Variants in FAT4 observed in about 807,000 individuals in gnomAD.
FAT4 encodes the protein FAT atypical cadherin 4, also known as protocadherin Fat 4.
Under a neutral mutation model 303.9 loss-of-function variants are expected in FAT4, and 84 were observed. The observed-to-expected ratio is 0.28, with a 90% CI of 0.23 to 0.33. The LOEUF (loss-of-function observed/expected upper bound fraction) is 0.33, where lower values mean the gene tolerates loss of function less well. Ranked by LOEUF, FAT4 falls within the 10% of genes least tolerant of loss-of-function variation. The pLI, the probability that FAT4 is intolerant of heterozygous loss-of-function variation, is 1.00. For missense variants in FAT4, 6,005 were observed against 6,146.8 expected, an observed-to-expected ratio of 0.98 and a Z score of 0.77; for synonymous variants, 2,307 against 2,298.8, an observed-to-expected ratio of 1.00 and a Z score of -0.10.
At position 125,317,574 on chromosome 4, in the gene FAT4, C is replaced by T. The variant is rs991371776; in HGVS notation, c.1163C>T (p.Pro388Leu). Residue 388 changes from proline (P) to leucine (L), a missense_variant, in exon 2 of 18, where the codon CCC becomes CTC. Coordinates refer to ENST00000394329, the MANE Select transcript of FAT4 (RefSeq NM_001291303.3). This position sits in a 1 kb window ranked among gnomAD's most constrained non-coding sequence, Gnocchi z 7.0. ...CTCACCGTGACGGACGCAGATTCTC[C>T]CGCGGCCAACGGGAACATCTCCGTG... ...ALLTVTDADSPAANGNISVQI... is the reference protein window; with the variant it reads ...ALLTVTDADSLAANGNISVQI... The T allele has an allele frequency of 8.1e-6, 13 of 1,613,780 alleles. No individual in the cohort carries two copies. The highest frequency in any genetic ancestry group is 5.0e-5 in the Admixed American group (3 of 59,992).
intron 5 of FAT4, among the ~76,000 whole-genome samples, chr4:125,412,468 A>G (rs1734883407): frequency 6.6e-6 from 1 of 151,828 alleles, no homozygotes; most frequent in South Asian, 2.1e-4. Context: ...TATATTTGTC[A>G]TTATGTATTT....
At chr4:125,473,402 T>C (rs1483388041) in intron 12 of FAT4, among the ~76,000 whole-genome samples, 1 of 152,140 alleles carries the variant, frequency 6.6e-6, no homozygotes. Flanking sequence ...TTAGTATAGG[T>C]TACTGCACTG....
intron 7 of FAT4, among the ~76,000 whole-genome samples, chr4:125,425,002 G>C (rs149389220): frequency 6.6e-6 from 1 of 152,070 alleles, no homozygotes; most frequent in African/African-American, 2.4e-5. Flanking sequence ...GACATATTAC[G>C]TTTGAAATAT....
Position 125,491,483 on chromosome 4 carries a change from A to T in FAT4, c.14667A>T (p.Arg4889Ser), listed in dbSNP as rs202163876. ...DADDEDNYGARLKPRRYHGRR... is the reference protein window; with the variant it reads ...DADDEDNYGASLKPRRYHGRR... ...ATGATGAAGATAATTATGGAGCCAGACTGAAGCCTCGAAGGTACCACGGTC... is the reference window on the plus strand; with the variant it reads ...ATGATGAAGATAATTATGGAGCCAGTCTGAAGCCTCGAAGGTACCACGGTC... The change falls in exon 18 of 18, where the codon AGA becomes AGT. Residue 4889 changes from arginine (R) to serine (S), a missense_variant. Arg to Ser is a moderately radical substitution (Grantham distance 110, BLOSUM62 -1). Transcript: ENST00000394329. 6.2e-7 allele frequency: 1 copy of T among 1,614,198 alleles called. No individual in the cohort carries two copies. Among genetic ancestry groups the T allele is most frequent in the Non-Finnish European group, 8.5e-7 (1 of 1,180,032 alleles).
At chr4:125,425,632 T>C (rs1450402617) in intron 7 of FAT4, among the ~76,000 whole-genome samples, 1 of 152,122 alleles carries the variant, frequency 6.6e-6, no homozygotes, top group African/African-American at 2.4e-5. Context: ...ATCTTAGATA[T>C]TATACTATGA....
At chr4:125,404,939 TATACAG>T (rs1734530514) in intron 3 of FAT4, among the ~76,000 whole-genome samples, 1 of 152,130 alleles carries the variant, frequency 6.6e-6, no homozygotes, top group African/African-American at 2.4e-5. Context: ...TTTGTATGTA[TATACAG>T]GTTGAGTATT....
chr4:125,436,902 T>A (rs1725473127), intron 8 of FAT4, among the ~76,000 whole-genome samples: 1 of 152,120 alleles, frequency 6.6e-6, no homozygotes, highest in African/African-American at 2.4e-5. Context: ...TCACCCAGGC[T>A]GGAGTGCAGT....
chr4:125,468,178 A>C (rs557072319), intron 11 of FAT4, among the ~76,000 whole-genome samples: 13 of 152,208 alleles, frequency 8.5e-5, no homozygotes, highest in Non-Finnish European at 1.9e-4. Context: ...AAAAAAAATC[A>C]ATGAATTTTG....
chr4:125,481,499 C>A, intron 15 of FAT4, 22 bp from the exon 16 acceptor site: 1 of 1,609,346 alleles, frequency 6.2e-7, no homozygotes, highest in Non-Finnish European at 8.5e-7. Context: ...ATTCATTTTC[C>A]CTTTTTTCCT....
At chr4:125,334,485 G>A (rs1255525331) in intron 2 of FAT4, among the ~76,000 whole-genome samples, 2 of 151,890 alleles carry the variant, frequency 1.3e-5, no homozygotes. Flanking sequence ...CTTCCTATCA[G>A]GTGCTAATGG....
intron 16 of FAT4, among the ~76,000 whole-genome samples, chr4:125,484,259 A>T (rs1727332618): frequency 6.6e-6 from 1 of 152,146 alleles, no homozygotes; most frequent in African/African-American, 2.4e-5. Flanking sequence ...TCTATTCAGA[A>T]AAAGAAAAAA....
In FAT4 at chr4:125,320,696, A is replaced by G. The variant is rs189424042; in HGVS notation, c.4285A>G (p.Ile1429Val). 3 of 1,614,078 alleles carry G rather than the reference A, an allele frequency of 1.9e-6. No homozygotes were observed. Among genetic ancestry groups the G allele is most frequent in the South Asian group, 2.2e-5 (2 of 91,082 alleles). ...TCCTCCTGGAGATATTTTCAAGTCT[A>G]TTGTTGAGAACATTCCCATCGGTAC... is the stretch of plus-strand genomic sequence containing the variant. ...SFPPGDIFKS[I>V]VENIPIGTSV... is the part of the protein sequence containing the mutation. Residue 1429 changes from isoleucine to valine, a missense_variant, in exon 2 of 18, where the codon ATT becomes GTT. Ile to Val is a conservative substitution (Grantham distance 29). Transcript: ENST00000394329.
chr4:125,450,750 C>G lies in FAT4; in HGVS notation c.9740C>G (p.Pro3247Arg). The G allele has an allele frequency of 6.2e-7, 1 of 1,614,068 alleles. No homozygotes were observed. The highest frequency in any genetic ancestry group is 8.5e-7 in the Non-Finnish European group (1 of 1,180,004). Residue 3247 changes from proline (P) to arginine (R), a missense_variant, in exon 10 of 18, where the codon CCT becomes CGT. By Grantham distance (103) the Pro-to-Arg change is moderately radical. Coordinates refer to ENST00000394329, the MANE Select transcript of FAT4 (RefSeq NM_001291303.3). ...SSDSDLFVID[P>R]NTGVITTQGF... The stretch of plus-strand genomic sequence containing the variant: ...GACAGTGACCTCTTTGTCATTGACC[C>G]TAACACAGGAGTCATAACCACTCAA...
chr4:125,396,307 C>G (rs1396699), intron 2 of FAT4, among the ~76,000 whole-genome samples: 144,894 of 152,148 alleles, frequency 0.95, 69,369 homozygotes, highest in South Asian at 1. Flanking sequence ...CACATATAAC[C>G]TAAAAAAATC....
At position 125,315,275 on chromosome 4, in the gene FAT4, G is replaced by C. The variant is rs1002269871; in HGVS notation, c.-715G>C. Among the ~76,000 whole-genome samples, 1 of 152,066 alleles carries C rather than the reference G, an allele frequency of 6.6e-6. No homozygotes were observed. Among genetic ancestry groups the C allele is most frequent in the South Asian group, 2.1e-4 (1 of 4,826 alleles). The stretch of plus-strand genomic sequence containing the variant: ...GTCACTACAGCCCAGCGCCGACTTC[G>C]CCGCCTCCGCTGCCAACTGTGAAGG... On this transcript the variant is annotated 5_prime_UTR_variant, in exon 1 of 18. Transcript: ENST00000394329.
At chr4:125,354,521 A>G (rs987158346) in intron 2 of FAT4, among the ~76,000 whole-genome samples, 9 of 151,760 alleles carry the variant, frequency 5.9e-5, no homozygotes, top group Admixed American at 2.0e-4. Flanking sequence ...AGTGTATACT[A>G]GGTAAGAAAA....
intron 12 of FAT4, among the ~76,000 whole-genome samples, chr4:125,473,580 A>G (rs1029546045): frequency 1.3e-5 from 2 of 152,068 alleles, no homozygotes; most frequent in Non-Finnish European, 2.9e-5. Context: ...CCATAATAAT[A>G]TCCTAAAACT....
At chr4:125,477,539 T>G (rs1336426198) in intron 14 of FAT4, 3 of 310,354 alleles carry the variant, frequency 9.7e-6, no homozygotes, top group Non-Finnish European at 1.6e-5. Context: ...TTCTAGATTC[T>G]TATACATATA....
At position 125,492,279 on chromosome 4, in the gene FAT4, G is replaced by C. The variant is rs932624422; in HGVS notation, c.*511G>C. The stretch of plus-strand genomic sequence containing the variant: ...AATGATAGTTTCTGTATTTGATGTT[G>C]CTCAGAAATGTCTCAGTATTTGAGT... On this transcript the variant is annotated 3_prime_UTR_variant, in exon 18 of 18. Transcript: ENST00000394329. The C allele has an allele frequency of 6.5e-6, 1 of 153,632 alleles. No homozygotes were observed. The highest frequency in any genetic ancestry group is 1.4e-5 in the Non-Finnish European group (1 of 69,026). 9.5% of individuals were successfully genotyped at this position (153,632 alleles called of 1,614,324 possible).
Sources: gnomAD v4.1 joint callset for allele counts (sites outside exome capture counted in the v4.1 genomes callset) on GRCh38, gnomAD v4.1.1 for gene constraint, Gnocchi (gnomAD v3.1) non-coding constraint, MANE v1.5 for transcripts, NCBI Gene and HGNC (gene_info 2026-07-23, HGNC 2026-07-21) for gene names.